Variants in ALDH1A3 observed in about 807,000 individuals in gnomAD.
The protein encoded by ALDH1A3 is retinaldehyde dehydrogenase 3.
A neutral mutation model predicts 57.5 loss-of-function variants in ALDH1A3; 28 were observed. The observed-to-expected ratio is 0.49, with a 90% CI of 0.36 to 0.67. The LOEUF (loss-of-function observed/expected upper bound fraction) is 0.67, where lower values mean the gene tolerates loss of function less well. ALDH1A3 is among the 30% of genes least tolerant of loss of function. ALDH1A3 has a pLI of 0.00. For missense variants in ALDH1A3, 507 were observed against 669.4 expected, an observed-to-expected ratio of 0.76 and a Z score of 2.68; for synonymous variants, 281 against 264.8, an observed-to-expected ratio of 1.06 and a Z score of -0.59.
chr15:100,886,855 G>T (rs1035327649), intron 2 of ALDH1A3, among the ~76,000 whole-genome samples: 6 of 152,178 alleles, frequency 3.9e-5, no homozygotes, highest in African/African-American at 1.4e-4. Context: ...ACTGTTCCAC[G>T]ATGGTCAGTT....
chr15:100,898,002 T>G, intron 7 of ALDH1A3, 81 bp from the exon 8 acceptor site: 1 of 1,384,292 alleles, frequency 7.2e-7, no homozygotes, highest in Non-Finnish European at 1.0e-6. Context: ...CCGGGCTTGA[T>G]CAGAATGTTC....
chr15:100,915,076 G>A lies in ALDH1A3; in HGVS notation c.*303G>A. ...AGATACTCAGGGCGTTGTTAACAGG[G>A]AGTGGTATTTGAAGTGTCCAGCAGT... On this transcript the variant is annotated 3_prime_UTR_variant, in exon 13 of 13. Transcript: ENST00000329841. 1 of 384,296 alleles carries A rather than the reference G, an allele frequency of 2.6e-6. No homozygotes were observed. The highest frequency in any genetic ancestry group is 3.0e-5 in the South Asian group (1 of 33,538). The allele number at this position is 384,296 out of a possible 1,614,324, so 23.8% of individuals were successfully genotyped here.
chr15:100,914,865 C>A lies in ALDH1A3; in HGVS notation c.*92C>A. ...AAAAAAATGACATTTCTGACCTTCC[C>A]GGGACACATTCTTCTGGAGGCTTTA... On this transcript the variant is annotated 3_prime_UTR_variant, in exon 13 of 13. Transcript: ENST00000329841. 1 of 1,182,644 alleles carries A rather than the reference C, an allele frequency of 8.5e-7. No individual in the cohort carries two copies. The allele number at this position is 1,182,644 out of a possible 1,614,324, so 73.3% of individuals were successfully genotyped here.
rs187938404 is a variant in ALDH1A3, at chr15:100,897,698, G to A, written c.781-385G>A. Among the ~76,000 whole-genome samples the A allele has an allele frequency of 2.8e-3, 424 of 152,366 alleles. 4 individuals are homozygous for A. Among genetic ancestry groups the A allele is most frequent in the African/African-American group, 9.5e-3 (394 of 41,584 alleles). ...GAATTTCAGCTGTTTCTAGTGAGAG[G>A]TAGAAGAGTCACCCTGCGGTCCCTG... On this transcript the variant is annotated intron_variant, in intron 7 of 12. Transcript: ENST00000329841.
chr15:100,894,391 A>G lies in ALDH1A3; in HGVS notation c.666+309A>G, dbSNP rs138040694. The G allele has an allele frequency of 2.4e-3, 645 of 266,704 alleles. 1 individual carries two copies. Among genetic ancestry groups the G allele is most frequent in the Non-Finnish European group, 3.5e-3 (487 of 139,012 alleles). The allele number at this position is 266,704 out of a possible 1,614,324, so 16.5% of individuals were successfully genotyped here. On this transcript the variant is annotated intron_variant, in intron 6 of 12. Transcript: ENST00000329841. The surrounding 1 kb of genome is among the most constrained non-coding windows in gnomAD (Gnocchi z 4.5). Reference sequence around the variant, plus strand: ...GGGGGGGTCAACCAAGAGGGAGCCAAATATTTGGGAGGTTCTCTGGGATTT... The same window carrying G: ...GGGGGGGTCAACCAAGAGGGAGCCAGATATTTGGGAGGTTCTCTGGGATTT...
chr15:100,890,271 C>T (rs2041636518), intron 3 of ALDH1A3, among the ~76,000 whole-genome samples: 1 of 152,190 alleles, frequency 6.6e-6, no homozygotes, highest in South Asian at 2.1e-4. Context: ...TCAGGAGGCA[C>T]ATTTTCCTCT....
At chr15:100,898,305 G>C in intron 8 of ALDH1A3, 120 bp downstream of exon 8, 1 of 817,144 alleles carries the variant, frequency 1.2e-6, no homozygotes, top group Non-Finnish European at 1.9e-6. Flanking sequence ...CAGTGGGGAC[G>C]CTTCCACCGT....
intron 1 of ALDH1A3, among the ~76,000 whole-genome samples, chr15:100,884,553 A>G (rs1271860156): frequency 1.4e-5 from 2 of 138,318 alleles, no homozygotes; most frequent in Non-Finnish European, 3.1e-5. Context: ...CAAGCTTCGG[A>G]GGTTTTTCTG....
chr15:100,883,009 T>G (rs1426927024), intron 1 of ALDH1A3, among the ~76,000 whole-genome samples: 2 of 152,240 alleles, frequency 1.3e-5, no homozygotes, highest in Non-Finnish European at 2.9e-5. Context: ...TTTTTAAGGT[T>G]GCTGGTTACA....
chr15:100,891,408 C>T (rs1251172859), intron 3 of ALDH1A3, among the ~76,000 whole-genome samples: 2 of 152,198 alleles, frequency 1.3e-5, no homozygotes, highest in African/African-American at 4.8e-5. Flanking sequence ...GAGTGGCTGC[C>T]CTGCAGTCTT....
At chr15:100,911,650 G>A (rs1033703249) in intron 12 of ALDH1A3, among the ~76,000 whole-genome samples, 2 of 152,228 alleles carry the variant, frequency 1.3e-5, no homozygotes, top group Non-Finnish European at 2.9e-5. Context: ...TTTAACAGGA[G>A]TAAGGCTGGG....
Position 100,885,326 on chromosome 15 carries a change from C to T in ALDH1A3, c.159C>T (p.Asn53=). The change falls in exon 2 of 13, where the codon AAC becomes AAT. Residue 53 remains asparagine, a synonymous_variant. Coordinates refer to ENST00000329841, the MANE Select transcript of ALDH1A3 (RefSeq NM_000693.4). ...SKSGKKFATC[N]PSTREQICEV... The stretch of plus-strand genomic sequence containing the variant: ...GTGGGAAAAAGTTTGCTACATGTAA[C>T]CCTTCAACTCGGGAGCAAATATGTG... 1 of 1,613,924 alleles carries T rather than the reference C, an allele frequency of 6.2e-7. No individual in the cohort carries two copies. The highest frequency in any genetic ancestry group is 8.5e-7 in the Non-Finnish European group (1 of 1,179,808).
chr15:100,889,001 A>C lies in ALDH1A3; in HGVS notation c.345+1289A>C, dbSNP rs977378453. ...AGGCTGAGCTGCCAAGGCATTCATC[A>C]GTTGTAAGTCCATTTTTTAGCAGGA... On this transcript the variant is annotated intron_variant, in intron 3 of 12. Coordinates refer to ENST00000329841, the MANE Select transcript of ALDH1A3 (RefSeq NM_000693.4). The surrounding 1 kb of genome is among the most constrained non-coding windows in gnomAD (Gnocchi z 5.1). The C allele has an allele frequency of 6.6e-6, 1 of 152,174 alleles. No homozygotes were observed. The highest frequency in any genetic ancestry group is 2.4e-5 in the African/African-American group (1 of 41,434). 9.4% of individuals were successfully genotyped at this position (152,174 alleles called of 1,614,324 possible). A position where few individuals can be genotyped will look rare whatever the true frequency, so the allele number is the denominator to read the frequency against.
Position 100,887,533 on chromosome 15 carries a change from A to T in ALDH1A3, c.205-39A>T. On this transcript the variant is annotated intron_variant, in intron 2 of 12. Coordinates refer to ENST00000329841, the MANE Select transcript of ALDH1A3 (RefSeq NM_000693.4). The surrounding 1 kb of genome is among the most constrained non-coding windows in gnomAD (Gnocchi z 4.6). The stretch of plus-strand genomic sequence containing the variant: ...ATGACACCCAAACTGCAGTCACGTC[A>T]AAAGATGACAGTCTCTCTCTGTTGT... 1 of 1,505,968 alleles carries T rather than the reference A, an allele frequency of 6.6e-7. No individual in the cohort carries two copies. The highest frequency in any genetic ancestry group is 2.2e-5 in the Admixed American group (1 of 45,904). The allele number at this position is 1,505,968 out of a possible 1,614,324, so 93.3% of individuals were successfully genotyped here.
At chr15:100,901,924 C>G (rs996597531) in intron 9 of ALDH1A3, among the ~76,000 whole-genome samples, 1 of 152,194 alleles carries the variant, frequency 6.6e-6, no homozygotes, top group African/African-American at 2.4e-5. Context: ...GCAGAAAGCA[C>G]TTCTTGTGGC....
At chr15:100,910,696 C>A (rs2041874830) in intron 12 of ALDH1A3, among the ~76,000 whole-genome samples, 1 of 152,222 alleles carries the variant, frequency 6.6e-6, no homozygotes, top group Admixed American at 6.5e-5. Context: ...TGAGGCCACC[C>A]AGGGTTTGCG....
In ALDH1A3 at chr15:100,907,029, T is replaced by C. The variant is rs2041829254; in HGVS notation, c.1234-92T>C. The C allele has an allele frequency of 2.8e-6, 4 of 1,443,462 alleles. No individual in the cohort carries two copies. The East Asian group carries it at 9.2e-5, about 33-fold the overall frequency. The allele number at this position is 1,443,462 out of a possible 1,614,324, so 89.4% of individuals were successfully genotyped here. The stretch of plus-strand genomic sequence containing the variant: ...CAGGCATGTGTGTGCTCTGGGCATA[T>C]GAAAAACATGTAAAGAGAAGGAAAT... On this transcript the variant is annotated intron_variant, in intron 10 of 12. Transcript: ENST00000329841.
In ALDH1A3 at chr15:100,888,128, T is replaced by G. The variant is rs185304682; in HGVS notation, c.345+416T>G. 5.1e-3 allele frequency among the ~76,000 whole-genome samples: 775 copies of G among 152,258 alleles called. 7 individuals carry two copies. The highest frequency in any genetic ancestry group is 0.018 in the African/African-American group (741 of 41,506). On this transcript the variant is annotated intron_variant, in intron 3 of 12. Transcript: ENST00000329841. ...TTATTTATTTTTTTGAGACAGAGTC[T>G]CCCTCTGTCACCCAGGCTGGAGTGC...
At position 100,893,762 on chromosome 15, in the gene ALDH1A3, T is replaced by C; in HGVS notation, c.538-192T>C. ...CCTCTTTGCAAAGGCTGCCTATTAG[T>C]ACCACCCAGAATGCAGTTTAGGAAG... On this transcript the variant is annotated intron_variant, in intron 5 of 12. Transcript: ENST00000329841. This position sits in a 1 kb window ranked among gnomAD's most constrained non-coding sequence, Gnocchi z 4.8. 1 of 656,134 alleles carries C rather than the reference T, an allele frequency of 1.5e-6. No homozygotes were observed. 40.6% of individuals were successfully genotyped at this position (656,134 alleles called of 1,614,324 possible). A position where few individuals can be genotyped will look rare whatever the true frequency, so the allele number is the denominator to read the frequency against.
Sources: allele counts gnomAD v4.1 joint callset (sites outside exome capture counted in the v4.1 genomes callset), GRCh38; gene constraint gnomAD v4.1.1; non-coding constraint Gnocchi (gnomAD v3.1); transcripts MANE v1.5; gene names NCBI Gene and HGNC (gene_info 2026-07-23, HGNC 2026-07-21).